The following COL21A1 variants were observed in gnomAD, a reference collection of about 807,000 sequenced individuals.
COL21A1 encodes the protein collagen type XXI alpha 1 chain.
Under a neutral mutation model 137.9 loss-of-function variants are expected in COL21A1, and 149 were observed. That is an observed-to-expected ratio of 1.08 (90% confidence interval 0.95 to 1.24). The LOEUF is 1.24. COL21A1 is among the 50% of genes most tolerant of loss of function. The pLI, the probability that COL21A1 is intolerant of heterozygous loss-of-function variation, is 0.00. For missense variants in COL21A1, 1,167 were observed against 1,158.4 expected, an observed-to-expected ratio of 1.01 and a Z score of -0.11; for synonymous variants, 456 against 391.5, an observed-to-expected ratio of 1.16 and a Z score of -1.95.
chr6:56,233,782 A>G (rs1293439746), intron 1 of COL21A1, among the ~76,000 whole-genome samples: 2 of 134,600 alleles, frequency 1.5e-5, no homozygotes, highest in Non-Finnish European at 3.2e-5. Flanking sequence ...GTGAAAAGTT[A>G]TAATTCAAAG....
intron 1 of COL21A1, among the ~76,000 whole-genome samples, chr6:56,375,322 A>G (rs1278600164): frequency 2.6e-5 from 4 of 152,198 alleles, no homozygotes; most frequent in African/African-American, 9.7e-5. Context: ...GAGGAGGCTG[A>G]ACCGTATGGA....
At chr6:56,074,930 T>C (rs1767080012) in intron 19 of COL21A1, among the ~76,000 whole-genome samples, 1 of 151,260 alleles carries the variant, frequency 6.6e-6, no homozygotes, top group African/African-American at 2.4e-5. Context: ...TAACAGACAA[T>C]TTGATTCATA....
chr6:56,158,266 C>CTTTTTTTTTTTTTTTTTTTTTT (rs67453245), intron 9 of COL21A1, among the ~76,000 whole-genome samples: 2 of 62,406 alleles, frequency 3.2e-5, no homozygotes, highest in Non-Finnish European at 5.6e-5. Context: ...TTTTTTTTTT[C>CTTTTTTTTTTTTTTTTTTTTTT]TTTTTTTTTT....
intron 10 of COL21A1, among the ~76,000 whole-genome samples, chr6:56,145,790 T>A (rs1774787942): frequency 6.6e-6 from 1 of 151,982 alleles, no homozygotes; most frequent in Non-Finnish European, 1.5e-5. Flanking sequence ...CCTACCCCCA[T>A]CTGCAAGATT....
chr6:56,229,442 A>G (rs1209649478), intron 1 of COL21A1, among the ~76,000 whole-genome samples: 2 of 152,056 alleles, frequency 1.3e-5, no homozygotes, highest in Non-Finnish European at 2.9e-5. Flanking sequence ...TGTTTTAGAT[A>G]AAGTTAATAT....
chr6:56,327,303 ACTT>A (rs1765118432), intron 1 of COL21A1, among the ~76,000 whole-genome samples: 1 of 152,078 alleles, frequency 6.6e-6, no homozygotes, highest in South Asian at 2.1e-4. Context: ...GTTAAAAAAT[ACTT>A]CATGAAATAA....
chr6:56,132,023 T>A (rs926741530), intron 12 of COL21A1, among the ~76,000 whole-genome samples: 30 of 151,820 alleles, frequency 2.0e-4, no homozygotes, highest in African/African-American at 6.0e-4. Context: ...ATAGATCTAA[T>A]AACCTAAATG....
intron 1 of COL21A1, among the ~76,000 whole-genome samples, chr6:56,311,495 C>T (rs891926861): frequency 2.0e-5 from 3 of 152,184 alleles, no homozygotes; most frequent in Admixed American, 6.5e-5. Flanking sequence ...GGGGTTGCAC[C>T]GTGACAAAGT....
intron 12 of COL21A1, among the ~76,000 whole-genome samples, chr6:56,129,593 A>G (rs1360558632): frequency 6.6e-6 from 1 of 151,922 alleles, no homozygotes; most frequent in East Asian, 1.9e-4. Flanking sequence ...TTTAGCTTAT[A>G]CTAAATGTCT....
At chr6:56,308,955 A>G (rs1044035652) in intron 1 of COL21A1, among the ~76,000 whole-genome samples, 1 of 152,128 alleles carries the variant, frequency 6.6e-6, no homozygotes, top group Non-Finnish European at 1.5e-5. Context: ...TTACTATCAT[A>G]GTCAGGATGG....
At chr6:56,124,894 C>T (rs1772899848) in intron 14 of COL21A1, among the ~76,000 whole-genome samples, 1 of 152,042 alleles carries the variant, frequency 6.6e-6, no homozygotes, top group South Asian at 2.1e-4. Flanking sequence ...ATCTGCCCAC[C>T]TTAGCCTCCC....
chr6:56,379,828 C>G (rs1362538493), intron 1 of COL21A1, among the ~76,000 whole-genome samples: 1 of 152,114 alleles, frequency 6.6e-6, no homozygotes, highest in Non-Finnish European at 1.5e-5. Context: ...CTTTGATAAT[C>G]TGATAGGTTT....
intron 1 of COL21A1, among the ~76,000 whole-genome samples, chr6:56,303,320 G>A (rs956968702): frequency 1.3e-5 from 2 of 152,132 alleles, no homozygotes; most frequent in African/African-American, 4.8e-5. Context: ...ATTACCTTGG[G>A]CAGTATGGCC....
chr6:56,281,717 G>A (rs1033831678), intron 1 of COL21A1, among the ~76,000 whole-genome samples: 1 of 152,116 alleles, frequency 6.6e-6, no homozygotes, highest in Non-Finnish European at 1.5e-5. Flanking sequence ...GTTGCCTCTA[G>A]ATCTCAGTTT....
At chr6:56,244,673 T>C (rs1782542295) in intron 1 of COL21A1, among the ~76,000 whole-genome samples, 1 of 152,210 alleles carries the variant, frequency 6.6e-6, no homozygotes, top group Non-Finnish European at 1.5e-5. Context: ...TTTAGTCTTA[T>C]AGAAGTCATA....
intron 1 of COL21A1, among the ~76,000 whole-genome samples, chr6:56,203,914 G>A (rs1049422203): frequency 4.6e-5 from 7 of 152,112 alleles, no homozygotes; most frequent in African/African-American, 1.4e-4. Flanking sequence ...AGACTGTAAT[G>A]GGAGGAACGG....
At chr6:56,180,245 C>A (rs2038150) in intron 2 of COL21A1, 116 bp from the exon 3 acceptor site, 510,843 of 793,646 alleles carry the variant, frequency 0.64, 165,872 homozygotes, top group East Asian at 0.79. Context: ...TTTAAATTGT[C>A]TGTGAAATAT....
chr6:56,067,153 AAGCTCAAT>A, intron 23 of COL21A1, 134 bp downstream of exon 23: 2 of 676,684 alleles, frequency 3.0e-6, no homozygotes, highest in Non-Finnish European at 4.7e-6. Context: ...CTTGTCTGAA[AAGCTCAAT>A]AGCAAAAGGA....
At chr6:56,333,883 C>A (rs1226361853) in intron 1 of COL21A1, among the ~76,000 whole-genome samples, 4 of 152,062 alleles carry the variant, frequency 2.6e-5, no homozygotes, top group African/African-American at 9.7e-5. Flanking sequence ...AGGATCTCTT[C>A]ATGGGATTAT....
Sources: allele counts gnomAD v4.1 joint callset (sites outside exome capture counted in the v4.1 genomes callset), GRCh38; gene constraint gnomAD v4.1.1; transcripts MANE v1.5; gene names NCBI Gene and HGNC (gene_info 2026-07-23, HGNC 2026-07-21).